Variants in CDH13 observed in about 807,000 individuals in gnomAD.
The protein encoded by CDH13 is cadherin-13.
A neutral mutation model predicts 63.8 loss-of-function variants in CDH13; 24 were observed. The ratio of observed to expected loss-of-function variants is 0.38; its 90% CI spans 0.27 to 0.53. The LOEUF is 0.53. CDH13 is among the 20% of genes least tolerant of loss of function. The probability of loss-of-function intolerance (pLI) is 0.85; values close to 1 mark genes in which losing one functional copy is unlikely to be tolerated. For synonymous variants in CDH13, 503 were observed against 355.3 expected, an observed-to-expected ratio of 1.42 and a Z score of -4.67; for missense variants, 1,049 against 903.1, an observed-to-expected ratio of 1.16 and a Z score of -2.07.
chr16:83,256,096 C>A (rs1275250214), intron 5 of CDH13, among the ~76,000 whole-genome samples: 2 of 152,178 alleles, frequency 1.3e-5, no homozygotes, highest in African/African-American at 4.8e-5. Flanking sequence ...TACAGTGGCA[C>A]CATCTTTGCT....
intron 4 of CDH13, among the ~76,000 whole-genome samples, chr16:83,205,577 C>T (rs1483866502): frequency 2.0e-5 from 3 of 148,006 alleles, no homozygotes; most frequent in South Asian, 2.1e-4. Context: ...TCATATGTTA[C>T]AAGAAATGGT....
At chr16:82,771,122 A>G (rs1446186688) in intron 1 of CDH13, among the ~76,000 whole-genome samples, 8 of 152,210 alleles carry the variant, frequency 5.3e-5, no homozygotes, top group African/African-American at 1.9e-4. Flanking sequence ...ATATTGTTTT[A>G]TAATTTTTTG....
intron 4 of CDH13, among the ~76,000 whole-genome samples, chr16:83,150,896 C>T (rs372789629): frequency 4.7e-4 from 71 of 152,272 alleles, no homozygotes; most frequent in African/African-American, 1.6e-3. Context: ...GTCATTGTAG[C>T]ACTTAGATGT....
At chr16:83,009,858 G>C (rs888760412) in intron 2 of CDH13, among the ~76,000 whole-genome samples, 1 of 152,188 alleles carries the variant, frequency 6.6e-6, no homozygotes, top group African/African-American at 2.4e-5. Context: ...CTCAGGCCGG[G>C]TGCAGTGGCT....
intron 2 of CDH13, among the ~76,000 whole-genome samples, chr16:82,917,574 G>A (rs11150522): frequency 0.29 from 43,599 of 151,952 alleles, 6,613 homozygotes; most frequent in Non-Finnish European, 0.34. Context: ...TCAAAGAAGC[G>A]TATTGTGACA....
At chr16:82,995,567 G>C (rs1031350562) in intron 2 of CDH13, among the ~76,000 whole-genome samples, 1 of 152,162 alleles carries the variant, frequency 6.6e-6, no homozygotes, top group African/African-American at 2.4e-5. Flanking sequence ...ATTCTGGACT[G>C]CCAACCTAGA....
At chr16:83,214,266 C>A (rs1460833273) in intron 4 of CDH13, among the ~76,000 whole-genome samples, 1 of 151,878 alleles carries the variant, frequency 6.6e-6, no homozygotes, top group Non-Finnish European at 1.5e-5. Context: ...TTCTGGGAGG[C>A]CTGTGAATTT....
intron 1 of CDH13, among the ~76,000 whole-genome samples, chr16:82,737,980 C>G (rs1482179722): frequency 1.3e-5 from 2 of 152,104 alleles, no homozygotes; most frequent in African/African-American, 4.8e-5. Context: ...GTAAGAACAC[C>G]CACCATGCAA....
intron 5 of CDH13, among the ~76,000 whole-genome samples, chr16:83,255,011 C>A (rs1438420757): frequency 1.4e-5 from 1 of 70,468 alleles, no homozygotes; most frequent in Admixed American, 1.6e-4. Context: ...TTCTTTCTTT[C>A]TTTTTTGCAG....
chr16:83,171,640 T>C (rs1219633938), intron 4 of CDH13: 5 of 1,270,774 alleles, frequency 3.9e-6, no homozygotes, highest in Non-Finnish European at 5.5e-6. Flanking sequence ...CAATTTCCTA[T>C]ATGCCATCAG....
At chr16:83,342,890 T>C (rs1260643948) in intron 5 of CDH13, among the ~76,000 whole-genome samples, 1 of 142,660 alleles carries the variant, frequency 7.0e-6, no homozygotes, top group Non-Finnish European at 1.5e-5. Context: ...GTCAAGTCCT[T>C]GGCTATTTTG....
intron 2 of CDH13, among the ~76,000 whole-genome samples, chr16:82,918,029 A>G (rs2042045998): frequency 6.6e-6 from 1 of 152,126 alleles, no homozygotes; most frequent in Admixed American, 6.5e-5. Flanking sequence ...TGCAAATGTT[A>G]AATAAGCCAA....
intron 2 of CDH13, among the ~76,000 whole-genome samples, chr16:82,935,897 T>A (rs1024280423): frequency 1.3e-5 from 2 of 152,180 alleles, no homozygotes; most frequent in Non-Finnish European, 2.9e-5. Context: ...GGAAGTGGTC[T>A]TGGAGCAGAA....
chr16:82,965,724 C>G (rs1027884775), intron 2 of CDH13, among the ~76,000 whole-genome samples: 1 of 152,120 alleles, frequency 6.6e-6, no homozygotes, highest in Non-Finnish European at 1.5e-5. Context: ...AACTACTGAC[C>G]TCAAGTGATC....
At chr16:83,310,187 C>G (rs780494508) in intron 5 of CDH13, among the ~76,000 whole-genome samples, 3 of 152,138 alleles carry the variant, frequency 2.0e-5, no homozygotes, top group Admixed American at 1.3e-4. Context: ...AGTGAACTAA[C>G]CTTGTGAAAG....
At chr16:82,989,122 A>T (rs913107167) in intron 2 of CDH13, among the ~76,000 whole-genome samples, 3 of 152,226 alleles carry the variant, frequency 2.0e-5, no homozygotes, top group African/African-American at 7.2e-5. Flanking sequence ...TACAAAGCAG[A>T]CAAAGGGGAG....
intron 8 of CDH13, among the ~76,000 whole-genome samples, chr16:83,670,553 A>ACAGCC (rs1340699021): frequency 1.3e-5 from 2 of 152,196 alleles, no homozygotes; most frequent in African/African-American, 4.8e-5. Flanking sequence ...GCAGCACAGC[A>ACAGCC]CAGCCATGGT....
chr16:82,833,652 G>A lies in CDH13; in HGVS notation c.46-24710G>A, dbSNP rs577696485. Among the ~76,000 whole-genome samples the A allele has an allele frequency of 1.6e-4, 25 of 152,294 alleles. 1 individual carries two copies. The highest frequency in any genetic ancestry group is 1.0e-3 in the Admixed American group (16 of 15,296). Reference sequence around the variant, plus strand: ...CCCGCTCTGTTCTTCCATCTGTCCAGGTAATAGCCTAATGTCAACCTAGTG... The same window carrying A: ...CCCGCTCTGTTCTTCCATCTGTCCAAGTAATAGCCTAATGTCAACCTAGTG... On this transcript the variant is annotated intron_variant, in intron 1 of 13. Transcript: ENST00000567109.
At chr16:82,737,547 G>A (rs550286502) in intron 1 of CDH13, among the ~76,000 whole-genome samples, 44 of 152,346 alleles carry the variant, frequency 2.9e-4, no homozygotes, top group African/African-American at 9.6e-4. Flanking sequence ...CTGCCCCAAC[G>A]GTCTTGCATT....
Sources: gnomAD v4.1 joint callset for allele counts (sites outside exome capture counted in the v4.1 genomes callset) on GRCh38, gnomAD v4.1.1 for gene constraint, MANE v1.5 for transcripts, NCBI Gene and HGNC (gene_info 2026-07-23, HGNC 2026-07-21) for gene names.